Variants in MDGA2 observed in about 807,000 individuals in gnomAD.
MDGA2 encodes the protein MAM domain-containing glycosylphosphatidylinositol anchor protein 2.
In MDGA2, 40 loss-of-function variants were observed where a neutral mutation model predicts 117.8. The ratio of observed to expected loss-of-function variants is 0.34; its 90% CI spans 0.26 to 0.44. The LOEUF is 0.44. Among genes scored for constraint, MDGA2 ranks in the 20% least tolerant of loss-of-function variants. The probability of loss-of-function intolerance (pLI) is 1.00; values close to 1 mark genes in which losing one functional copy is unlikely to be tolerated. For synonymous variants in MDGA2, 452 were observed against 439.0 expected (o/e 1.03, Z -0.37); for missense variants, 1,123 against 1,250.6 (o/e 0.90, Z 1.54).
intron 3 of MDGA2, among the ~76,000 whole-genome samples, chr14:47,156,170 A>C (rs528016030): frequency 6.6e-6 from 1 of 151,806 alleles, no homozygotes; most frequent in Non-Finnish European, 1.5e-5. Flanking sequence ...TAGCCTCCCA[A>C]AGTGTGGAAT....
At chr14:47,320,735 C>G (rs894972340) in intron 1 of MDGA2, among the ~76,000 whole-genome samples, 1 of 152,092 alleles carries the variant, frequency 6.6e-6, no homozygotes, top group Non-Finnish European at 1.5e-5. Flanking sequence ...CTTAAACTTA[C>G]ATATAGTAAA....
intron 7 of MDGA2, among the ~76,000 whole-genome samples, chr14:47,043,434 T>C (rs1889147636): frequency 1.3e-5 from 2 of 152,100 alleles, no homozygotes; most frequent in African/African-American, 2.4e-5. Context: ...TTTGAAAATA[T>C]GCAGAACTTC....
At chr14:47,236,642 A>G (rs934889989) in intron 2 of MDGA2, among the ~76,000 whole-genome samples, 1 of 152,200 alleles carries the variant, frequency 6.6e-6, no homozygotes, top group Non-Finnish European at 1.5e-5. Context: ...AGTGATTGCT[A>G]AATAAATAAA....
At chr14:47,132,095 GA>G (rs1882233519) in intron 4 of MDGA2, among the ~76,000 whole-genome samples, 2 of 151,892 alleles carry the variant, frequency 1.3e-5, no homozygotes, top group East Asian at 3.9e-4. Flanking sequence ...AGACTACAAT[GA>G]AAATTCATAA....
intron 6 of MDGA2, among the ~76,000 whole-genome samples, chr14:47,074,604 A>G (rs138464626): frequency 1.6e-4 from 24 of 152,308 alleles, no homozygotes; most frequent in African/African-American, 5.3e-4. Flanking sequence ...CCAGCCCAGA[A>G]CTTTTAACAA....
At chr14:46,974,941 G>A (rs925522093) in intron 8 of MDGA2, among the ~76,000 whole-genome samples, 1 of 151,770 alleles carries the variant, frequency 6.6e-6, no homozygotes, top group African/African-American at 2.4e-5. Flanking sequence ...GAAAATATTT[G>A]CAACTCAGAT....
At chr14:47,005,011 C>A (rs750080448) in intron 8 of MDGA2, among the ~76,000 whole-genome samples, 2 of 151,438 alleles carry the variant, frequency 1.3e-5, no homozygotes, top group East Asian at 3.9e-4. Flanking sequence ...TTTGTAGATT[C>A]CATTGTATTA....
At chr14:46,932,252 T>TA (rs925779961) in intron 9 of MDGA2, among the ~76,000 whole-genome samples, 7 of 150,896 alleles carry the variant, frequency 4.6e-5, no homozygotes, top group Middle Eastern at 3.6e-3. Flanking sequence ...TTTCCTAAAT[T>TA]AAAAAAAAAG....
chr14:47,221,671 G>C (rs1201822897), intron 2 of MDGA2, among the ~76,000 whole-genome samples: 1 of 124,950 alleles, frequency 8.0e-6, no homozygotes, highest in East Asian at 2.3e-4. Flanking sequence ...CGGGGTGACA[G>C]AGCGAGACTC....
At chr14:47,276,793 C>T (rs1594768066) in intron 2 of MDGA2, among the ~76,000 whole-genome samples, 1 of 152,168 alleles carries the variant, frequency 6.6e-6, no homozygotes, top group East Asian at 1.9e-4. Flanking sequence ...CTCTGAATTA[C>T]AACAGCAATT....
chr14:47,333,014 T>C (rs1301439970), intron 1 of MDGA2, among the ~76,000 whole-genome samples: 1 of 151,980 alleles, frequency 6.6e-6, no homozygotes, highest in Non-Finnish European at 1.5e-5. Context: ...TTCCATTGTA[T>C]CTCTATGCCA....
chr14:47,027,072 T>C (rs931796026), intron 8 of MDGA2, among the ~76,000 whole-genome samples: 7 of 151,368 alleles, frequency 4.6e-5, no homozygotes, highest in African/African-American at 1.2e-4. Flanking sequence ...ACTTGGGAGG[T>C]TGAGGATCGC....
intron 1 of MDGA2, among the ~76,000 whole-genome samples, chr14:47,561,153 G>GTTTTTTTTTTTT (rs778265539): frequency 3.1e-5 from 2 of 63,908 alleles, no homozygotes; most frequent in East Asian, 1.4e-3. Context: ...TTTTTTTTTT[G>GTTTTTTTTTTTT]TTTTGTTTTG....
intron 7 of MDGA2, among the ~76,000 whole-genome samples, chr14:47,047,215 T>A (rs529844970): frequency 1.3e-5 from 2 of 152,252 alleles, no homozygotes; most frequent in East Asian, 1.9e-4. Context: ...ATTTTTTTAA[T>A]AACCATGGAG....
intron 8 of MDGA2, among the ~76,000 whole-genome samples, chr14:46,985,491 A>G (rs1056665661): frequency 6.6e-6 from 1 of 152,052 alleles, no homozygotes; most frequent in Admixed American, 6.6e-5. Context: ...TTTTTGGAGA[A>G]GAGTAAATTT....
At chr14:47,596,538 CT>C in intron 1 of MDGA2, among the ~76,000 whole-genome samples, 1 of 152,278 alleles carries the variant, frequency 6.6e-6, no homozygotes, top group Non-Finnish European at 1.5e-5. Flanking sequence ...TCAGCCTCAC[CT>C]TCCCCACTCT....
At chr14:47,397,663 T>G (rs1286221507) in intron 1 of MDGA2, among the ~76,000 whole-genome samples, 1 of 152,194 alleles carries the variant, frequency 6.6e-6, no homozygotes, top group Non-Finnish European at 1.5e-5. Context: ...ATAAATAGAT[T>G]ATCTCTATAA....
chr14:46,934,456 AG>A (rs1884705482), intron 9 of MDGA2, among the ~76,000 whole-genome samples: 1 of 152,176 alleles, frequency 6.6e-6, no homozygotes, highest in Non-Finnish European at 1.5e-5. Flanking sequence ...AAATACACAG[AG>A]GCATATTTCT....
chr14:47,608,119 C>T (rs1286576634), intron 1 of MDGA2, among the ~76,000 whole-genome samples: 1 of 152,052 alleles, frequency 6.6e-6, no homozygotes, highest in African/African-American at 2.4e-5. Context: ...AATAAAATAA[C>T]AGTTTAATCT....
Sources: allele counts gnomAD v4.1 joint callset (sites outside exome capture counted in the v4.1 genomes callset), GRCh38; gene constraint gnomAD v4.1.1; transcripts MANE v1.5; gene names NCBI Gene and HGNC (gene_info 2026-07-23, HGNC 2026-07-21).